The following SP1 variants were observed in gnomAD, a reference collection of about 807,000 sequenced individuals.
SP1 encodes the protein Sp1 transcription factor, also known as transcription factor Sp1.
Under a neutral mutation model 66.3 loss-of-function variants are expected in SP1, and 6 were observed. The observed-to-expected ratio is 0.09, with a 90% CI of 0.05 to 0.18. The LOEUF (loss-of-function observed/expected upper bound fraction) is 0.18. Among genes scored for constraint, SP1 ranks in the 10% least tolerant of loss-of-function variants. SP1 has a pLI of 1.00. For synonymous variants in SP1, 417 were observed against 360.8 expected (o/e 1.16, Z -1.77); for missense variants, 848 against 964.5 (o/e 0.88, Z 1.60).
At chr12:53,387,399 G>A (rs1938253858) in intron 3 of SP1, among the ~76,000 whole-genome samples, 1 of 152,264 alleles carries the variant, frequency 6.6e-6, no homozygotes, top group Admixed American at 6.6e-5. Context: ...GGTAAATCTA[G>A]GGGGAAAGTC....
intron 3 of SP1, among the ~76,000 whole-genome samples, chr12:53,406,164 G>A (rs566748181): frequency 2.1e-5 from 3 of 142,754 alleles, no homozygotes; most frequent in South Asian, 2.3e-4. Flanking sequence ...TCCGCCTCCC[G>A]GGTTCAAGCA....
chr12:53,401,735 C>T (rs1021454957), intron 3 of SP1, among the ~76,000 whole-genome samples: 6 of 152,124 alleles, frequency 3.9e-5, no homozygotes, highest in African/African-American at 1.2e-4. Flanking sequence ...AATGTGTGAT[C>T]TTGGCTCCCT....
chr12:53,385,440 A>C (rs1342831946), intron 3 of SP1, among the ~76,000 whole-genome samples: 1 of 149,500 alleles, frequency 6.7e-6, no homozygotes, highest in Non-Finnish European at 1.5e-5. Context: ...CTAAAAATAC[A>C]AAAAATTAGC....
At chr12:53,405,721 GGGAA>G (rs1454667396) in intron 3 of SP1, among the ~76,000 whole-genome samples, 1 of 151,878 alleles carries the variant, frequency 6.6e-6, no homozygotes, top group Non-Finnish European at 1.5e-5. Flanking sequence ...GAGGGAGGGA[GGGAA>G]GGAAGAGAGA....
intron 3 of SP1, among the ~76,000 whole-genome samples, chr12:53,395,486 T>A (rs1938467762): frequency 6.6e-6 from 1 of 152,204 alleles, no homozygotes; most frequent in Non-Finnish European, 1.5e-5. Flanking sequence ...TTAGTTAACT[T>A]ACATAGGCAT....
At chr12:53,396,827 G>A (rs752604820) in intron 3 of SP1, among the ~76,000 whole-genome samples, 10 of 151,752 alleles carry the variant, frequency 6.6e-5, no homozygotes, top group Non-Finnish European at 1.2e-4. Flanking sequence ...TTTTTAGAGT[G>A]TGAACATGGC....
chr12:53,406,449 A>G, intron 3 of SP1, 136 bp from the exon 4 acceptor site: 1 of 684,654 alleles, frequency 1.5e-6, no homozygotes, highest in Non-Finnish European at 2.5e-6. Context: ...AAACATAAAA[A>G]GGCTTCAAAA....
intron 5 of SP1, among the ~76,000 whole-genome samples, chr12:53,409,825 TG>T (rs1363645695): frequency 1.3e-5 from 2 of 151,098 alleles, no homozygotes; most frequent in East Asian, 3.9e-4. Flanking sequence ...CTGGCTAACA[TG>T]GTGAAACCCC....
At chr12:53,402,869 A>G (rs1194432142) in intron 3 of SP1, among the ~76,000 whole-genome samples, 1 of 151,938 alleles carries the variant, frequency 6.6e-6, no homozygotes, top group African/African-American at 2.4e-5. Flanking sequence ...GTTACTTAGA[A>G]GGCTGAGGCA....
intron 3 of SP1, among the ~76,000 whole-genome samples, chr12:53,403,385 C>G (rs1458267052): frequency 1.3e-5 from 2 of 152,158 alleles, no homozygotes; most frequent in African/African-American, 4.8e-5. Flanking sequence ...TTGAGATGGG[C>G]TCTGTCACCC....
At chr12:53,389,612 C>CT (rs1335570512) in intron 3 of SP1, among the ~76,000 whole-genome samples, 1 of 150,916 alleles carries the variant, frequency 6.6e-6, no homozygotes, top group Non-Finnish European at 1.5e-5. Flanking sequence ...CGTGATGTTT[C>CT]TTTTTTTTTA....
intron 4 of SP1, 151 bp downstream of exon 4, chr12:53,406,904 A>C (rs938198136): frequency 1.6e-6 from 1 of 626,330 alleles, no homozygotes; most frequent in African/African-American, 1.8e-5. Flanking sequence ...GGCTCACTGC[A>C]AACTCCACCT....
rs11170539 is a variant in SP1 at position 53,404,613 on chromosome 12, A to G, written c.1676-1972A>G. On this transcript the variant is annotated intron_variant, in intron 3 of 5. Coordinates refer to ENST00000327443, the MANE Select transcript of SP1 (RefSeq NM_138473.3). ...CCTAGAGCTGTGTTTGAAAATGTCAAATGTGACCAACTGAGTCATGATGAG... is the reference window on the plus strand; with the variant it reads ...CCTAGAGCTGTGTTTGAAAATGTCAGATGTGACCAACTGAGTCATGATGAG... 7.9e-5 allele frequency among the ~76,000 whole-genome samples: 12 copies of G among 152,248 alleles called. No individual in the cohort carries two copies. The South Asian group carries it at 1.2e-3, about 16-fold the overall frequency.
intron 3 of SP1, among the ~76,000 whole-genome samples, chr12:53,397,690 A>G (rs1938521355): frequency 6.8e-6 from 1 of 147,622 alleles, no homozygotes; most frequent in Admixed American, 6.9e-5. Context: ...AGTAGCTGGG[A>G]TTACAGGCGC....
intron 1 of SP1, 101 bp downstream of exon 1, chr12:53,380,399 G>A (rs1399952049): frequency 3.8e-5 from 43 of 1,119,850 alleles, no homozygotes; most frequent in South Asian, 7.3e-5. Context: ...GGGCGGGCGG[G>A]AGGCGGCGGC....
chr12:53,392,928 G>A (rs924819981), intron 3 of SP1, among the ~76,000 whole-genome samples: 3 of 151,822 alleles, frequency 2.0e-5, no homozygotes, highest in African/African-American at 2.4e-5. Context: ...GGGTTCAAGC[G>A]ATTCTCCTGC....
intron 3 of SP1, among the ~76,000 whole-genome samples, chr12:53,398,889 T>A (rs1038083494): frequency 6.6e-6 from 1 of 152,212 alleles, no homozygotes; most frequent in Non-Finnish European, 1.5e-5. Context: ...TTTGTCCAAA[T>A]GGATTCACTG....
At chr12:53,409,269 A>G (rs1306340426) in intron 4 of SP1, 93 bp from the exon 5 acceptor site, 3 of 989,878 alleles carry the variant, frequency 3.0e-6, no homozygotes. Flanking sequence ...AGTTTGGGTT[A>G]GTTTGGTGTC....
chr12:53,383,923 A>G (rs1938166384), intron 3 of SP1, among the ~76,000 whole-genome samples: 1 of 152,064 alleles, frequency 6.6e-6, no homozygotes, highest in Non-Finnish European at 1.5e-5. Context: ...GCCAGATAGT[A>G]ACGTAAATAT....
Sources: gnomAD v4.1 joint callset for allele counts (sites outside exome capture counted in the v4.1 genomes callset) on GRCh38, gnomAD v4.1.1 for gene constraint, MANE v1.5 for transcripts, NCBI Gene and HGNC (gene_info 2026-07-23, HGNC 2026-07-21) for gene names.